The following GPR19 variants were observed in gnomAD, a reference collection of about 807,000 sequenced individuals.
GPR19 encodes the protein probable G protein-coupled receptor 19.
Under a neutral mutation model 28.5 loss-of-function variants are expected in GPR19, and 14 were observed. That is an observed-to-expected ratio of 0.49 (90% CI 0.32 to 0.77). The LOEUF (loss-of-function observed/expected upper bound fraction) is 0.77. Ranked by LOEUF, GPR19 falls within the 30% of genes least tolerant of loss-of-function variation. The pLI is 0.03. For missense variants in GPR19, 409 were observed against 504.1 expected (o/e 0.81, Z 1.81); for synonymous variants, 173 against 184.1 (o/e 0.94, Z 0.49).
chr12:12,677,791 T>G (rs1204889454), intron 3 of GPR19, among the ~76,000 whole-genome samples: 2 of 151,678 alleles, frequency 1.3e-5, no homozygotes, highest in African/African-American at 4.8e-5. Context: ...TCACCTATGC[T>G]GGCTAGGCAG....
chr12:12,672,515 A>G (rs112211047), intron 3 of GPR19, among the ~76,000 whole-genome samples: 6,069 of 152,204 alleles, frequency 0.04, 357 homozygotes, highest in African/African-American at 0.13. Context: ...GGGAAGCCGA[A>G]GTGGGTGAAT....
chr12:12,700,602 G>A (rs553123812), upstream of GPR19, among the ~76,000 whole-genome samples: 368 of 152,150 alleles, frequency 2.4e-3, 1 homozygote, highest in African/African-American at 8.5e-3. Context: ...TTGCAACTTT[G>A]TTAGTTGAGG....
chr12:12,682,940 A>G (rs10772592), intron 3 of GPR19, among the ~76,000 whole-genome samples: 48,027 of 152,092 alleles, frequency 0.32, 8,112 homozygotes, highest in Middle Eastern at 0.44. Context: ...TAGGTATAAT[A>G]TCATTTTAAA....
intron 3 of GPR19, among the ~76,000 whole-genome samples, chr12:12,664,189 C>A (rs2136317968): frequency 6.6e-6 from 1 of 152,190 alleles, no homozygotes; most frequent in Non-Finnish European, 1.5e-5. Flanking sequence ...CGGGTTTCCC[C>A]ACGTTGGCCA....
At chr12:12,662,814 G>GT (rs1945700198) in intron 3 of GPR19, among the ~76,000 whole-genome samples, 1 of 152,334 alleles carries the variant, frequency 6.6e-6, no homozygotes, top group East Asian at 1.9e-4. Context: ...CTGGCTCATG[G>GT]TAACGGTGTT....
chr12:12,680,598 C>T (rs1946003796), intron 3 of GPR19, among the ~76,000 whole-genome samples: 1 of 152,154 alleles, frequency 6.6e-6, no homozygotes, highest in South Asian at 2.1e-4. Flanking sequence ...CCTCAACCTC[C>T]CAGGCCCATG....
chr12:12,685,896 T>C (rs969743307), intron 2 of GPR19, among the ~76,000 whole-genome samples: 5 of 152,338 alleles, frequency 3.3e-5, no homozygotes, highest in South Asian at 2.1e-4. Context: ...ACAGCCTTAA[T>C]TGGGAGATAC....
intron 2 of GPR19, among the ~76,000 whole-genome samples, chr12:12,694,646 C>G (rs1566168131): frequency 2.6e-5 from 4 of 152,194 alleles, no homozygotes; most frequent in African/African-American, 9.7e-5. Flanking sequence ...AATCCTATGG[C>G]ACAGGCACTA....
chr12:12,661,451 T>A lies in GPR19; in HGVS notation c.998A>T (p.Tyr333Phe). ...CATCCCTCTCCGAAAATTGGCATTA[T>A]AAATTGAATACAGAGTAGGTTTAGA... ...SASKPTLYSI[Y>F]NANFRRGMKE... The change falls in exon 4 of 4, where the codon TAT becomes TTT. Residue 333 changes from tyrosine to phenylalanine, a missense_variant. Physicochemically the swap from Tyr to Phe is conservative, Grantham distance 22. Coordinates refer to ENST00000651487, the MANE Select transcript of GPR19 (RefSeq NM_006143.3). This position sits in a 1 kb window ranked among gnomAD's most constrained non-coding sequence, Gnocchi z 4.2. 6.2e-7 allele frequency: 1 copy of A among 1,613,762 alleles called. No homozygotes were observed. Among genetic ancestry groups the A allele is most frequent in the Non-Finnish European group, 8.5e-7 (1 of 1,179,648 alleles).
At chr12:12,699,405 A>G (rs1169055856), upstream of GPR19, among the ~76,000 whole-genome samples, 1 of 152,198 alleles carries the variant, frequency 6.6e-6, no homozygotes, top group Non-Finnish European at 1.5e-5. Context: ...ATGAATCCCT[A>G]ATAAGCCAAA....
intron 3 of GPR19, among the ~76,000 whole-genome samples, chr12:12,669,986 C>T (rs1221740495): frequency 6.6e-6 from 1 of 152,172 alleles, no homozygotes; most frequent in Non-Finnish European, 1.5e-5. Context: ...CTGCCTTGGC[C>T]TCCCAAAGTG....
At chr12:12,700,151 CTCTCTTTCTT>C (rs201509986), upstream of GPR19, among the ~76,000 whole-genome samples, 21,245 of 72,666 alleles carry the variant, frequency 0.29, 1,898 homozygotes, top group East Asian at 0.49. Context: ...TCTTTTTTCT[CTCTCTTTCTT>C]TCTCTCTCTC....
At chr12:12,692,116 C>A (rs901327165) in intron 2 of GPR19, among the ~76,000 whole-genome samples, 25 of 152,172 alleles carry the variant, frequency 1.6e-4, no homozygotes, top group African/African-American at 6.0e-4. Flanking sequence ...ATGAGCAATA[C>A]GTCTTACTTT....
At chr12:12,671,125 C>G (rs1293569249) in intron 3 of GPR19, among the ~76,000 whole-genome samples, 2 of 151,256 alleles carry the variant, frequency 1.3e-5, no homozygotes, top group Non-Finnish European at 2.9e-5. Flanking sequence ...ATGGTGAAAC[C>G]CCATCTCTAC....
chr12:12,697,179 C>CAAAAAAAAAAAAA (rs1946279518), upstream of GPR19, among the ~76,000 whole-genome samples: 1 of 20,166 alleles, frequency 5.0e-5, no homozygotes, highest in Admixed American at 5.0e-4. Flanking sequence ...AAAAAAAAAG[C>CAAAAAAAAAAAAA]AGCCATGCAA....
Position 12,661,741 on chromosome 12 carries a change from A to G in GPR19, c.708T>C (p.Ser236=), listed in dbSNP as rs1156493074. The part of the protein sequence containing the change: ...IHFLVGFVIP[S]VLIILFYQKV... The stretch of plus-strand genomic sequence containing the variant: ...TTTGGTAAAATAAAATTATGAGGAC[A>G]GATGGAATCACAAAGCCCACCAAGA... Residue 236 remains serine (S), a synonymous_variant, in exon 4 of 4, where the codon TCT becomes TCC. Coordinates refer to ENST00000651487, the MANE Select transcript of GPR19 (RefSeq NM_006143.3). This position sits in a 1 kb window ranked among gnomAD's most constrained non-coding sequence, Gnocchi z 4.2. The G allele has an allele frequency of 6.2e-7, 1 of 1,614,172 alleles. No homozygotes were observed. The highest frequency in any genetic ancestry group is 2.2e-5 in the East Asian group (1 of 44,888).
At chr12:12,672,540 A>G (rs1046593440) in intron 3 of GPR19, among the ~76,000 whole-genome samples, 1 of 152,188 alleles carries the variant, frequency 6.6e-6, no homozygotes, top group Admixed American at 6.5e-5. Flanking sequence ...TGAGGTTAGG[A>G]GTTTGAGACC....
intron 2 of GPR19, among the ~76,000 whole-genome samples, chr12:12,694,503 A>G (rs1288955651): frequency 6.6e-6 from 1 of 151,438 alleles, no homozygotes; most frequent in Admixed American, 6.6e-5. Context: ...ACCGCGCCTG[A>G]CCCGGTAGAG....
At chr12:12,674,274 C>CAAAA (rs11423009) in intron 3 of GPR19, among the ~76,000 whole-genome samples, 3 of 103,882 alleles carry the variant, frequency 2.9e-5, no homozygotes, top group Non-Finnish European at 3.6e-5. Flanking sequence ...CTATCTCTAC[C>CAAAA]AAAAAAAAAA....
Sources: gnomAD v4.1 joint callset for allele counts (sites outside exome capture counted in the v4.1 genomes callset) on GRCh38, gnomAD v4.1.1 for gene constraint, Gnocchi (gnomAD v3.1) non-coding constraint, MANE v1.5 for transcripts, NCBI Gene and HGNC (gene_info 2026-07-23, HGNC 2026-07-21) for gene names.